NPAT: variants seen among roughly 807,000 people sequenced by gnomAD.
The protein encoded by NPAT is nuclear protein, coactivator of histone transcription, also known as protein NPAT.
A neutral mutation model predicts 130.7 loss-of-function variants in NPAT; 52 were observed. The observed-to-expected ratio is 0.40, with a 90% CI of 0.32 to 0.50. The LOEUF is 0.50. NPAT is among the 20% of genes least tolerant of loss of function. The pLI is 0.68. For synonymous variants in NPAT, 580 were observed against 584.8 expected (o/e 0.99, Z 0.12); for missense variants, 1,687 against 1,662.6 (o/e 1.01, Z -0.26).
At chr11:108,177,621 T>TAG (rs2078021454) in intron 10 of NPAT, among the ~76,000 whole-genome samples, 1 of 152,196 alleles carries the variant, frequency 6.6e-6, no homozygotes, top group Admixed American at 6.5e-5. Flanking sequence ...TCCTACTTCT[T>TAG]AGAGGTAAGA....
chr11:108,214,629 C>T (rs1383838914), intron 1 of NPAT, among the ~76,000 whole-genome samples: 2 of 150,420 alleles, frequency 1.3e-5, no homozygotes, highest in Admixed American at 6.6e-5. Context: ...AATATGATTC[C>T]AATTTTTTTT....
chr11:108,190,773 C>G (rs1389623370), intron 4 of NPAT, among the ~76,000 whole-genome samples: 1 of 152,168 alleles, frequency 6.6e-6, no homozygotes. Context: ...CTTGACATTA[C>G]GTTAAGAATG....
intron 1 of NPAT, among the ~76,000 whole-genome samples, chr11:108,201,899 A>T (rs2078278375): frequency 6.6e-6 from 1 of 152,166 alleles, no homozygotes; most frequent in South Asian, 2.1e-4. Flanking sequence ...GTCAGAGAGG[A>T]CCTTGAAGAA....
Position 108,161,826 on chromosome 11 carries a change from T to A in NPAT, c.3260A>T (p.Asn1087Ile), listed in dbSNP as rs1488058607. ...QGPNHKMVSQNKERNAVSFPN... is the reference protein window; with the variant it reads ...QGPNHKMVSQIKERNAVSFPN... ...AAAAGAGACTGCATTCCTTTCTTTG[T>A]TTTGGGACACCATCTTATGGTTTGG... is the stretch of plus-strand genomic sequence containing the variant. Residue 1087 changes from asparagine (N) to isoleucine (I), a missense_variant, in exon 17 of 18, where the codon AAC becomes ATC. Around this residue, in one of 3 missense-constraint regions of NPAT, gnomAD observed 1,379 missense variants for 1,346.6 expected, o/e 1.02. Transcript: ENST00000278612. The A allele has an allele frequency of 1.2e-6, 2 of 1,614,030 alleles. No individual in the cohort carries two copies. The highest frequency in any genetic ancestry group is 1.7e-6 in the Non-Finnish European group (2 of 1,180,050).
intron 6 of NPAT, 34 bp downstream of exon 6, chr11:108,189,069 TAAC>T: frequency 3.3e-6 from 5 of 1,522,008 alleles, no homozygotes; most frequent in African/African-American, 1.4e-5. Flanking sequence ...ACAATTTGAT[TAAC>T]AACAAAATTT....
intron 2 of NPAT, among the ~76,000 whole-genome samples, chr11:108,195,636 T>G (rs1286089867): frequency 2.9e-5 from 1 of 34,750 alleles, no homozygotes; most frequent in Non-Finnish European, 8.1e-5. Flanking sequence ...TCACCCAGCC[T>G]TTTTTTTTTG....
chr11:108,172,679 G>A lies in NPAT; in HGVS notation c.2305C>T (p.Pro769Ser). ...GTAGGAGAAGACAAGATTATAGTTG[G>A]CAGGTTTTCTCCATTAATACTAGAA... ...AVSSINGENLPTIILSSPTKS... is the reference protein window; with the variant it reads ...AVSSINGENLSTIILSSPTKS... The change falls in exon 13 of 18, where the codon CCA becomes TCA. Residue 769 changes from proline (P) to serine (S), a missense_variant. This residue lies in a region of NPAT where 1,379 missense variants were observed against 1,346.6 expected (regional missense o/e 1.02). Coordinates refer to ENST00000278612, the MANE Select transcript of NPAT (RefSeq NM_002519.3). 1.2e-6 allele frequency: 2 copies of A among 1,613,832 alleles called. No homozygotes were observed. The highest frequency in any genetic ancestry group is 1.7e-6 in the Non-Finnish European group (2 of 1,179,948).
At chr11:108,222,030 TAG>T (rs2078513902) in intron 1 of NPAT, among the ~76,000 whole-genome samples, 1 of 151,996 alleles carries the variant, frequency 6.6e-6, no homozygotes, top group Non-Finnish European at 1.5e-5. Context: ...CCCAAATTCG[TAG>T]TTATAAGGGC....
In NPAT at chr11:108,185,297, G is replaced by C. The variant is rs774084436; in HGVS notation, c.841C>G (p.Pro281Ala). The part of the protein sequence containing the change: ...LTSDNNIAQV[P>A]KQTDNNPTEP... ...GTAGGGTTGTTATCTGTTTGCTTAGGTACTTGGGCAATATTGTTATCACTG... is the reference window on the plus strand; with the variant it reads ...GTAGGGTTGTTATCTGTTTGCTTAGCTACTTGGGCAATATTGTTATCACTG... The change falls in exon 10 of 18, where the codon CCT becomes GCT. Residue 281 changes from proline (P) to alanine (A), a missense_variant. Physicochemically the swap from Pro to Ala is conservative, Grantham distance 27 (BLOSUM62 -1). Transcript: ENST00000278612. 1 of 1,611,472 alleles carries C rather than the reference G, an allele frequency of 6.2e-7. No homozygotes were observed. The highest frequency in any genetic ancestry group is 8.5e-7 in the Non-Finnish European group (1 of 1,178,270).
At chr11:108,181,862 C>T (rs1342727220) in intron 10 of NPAT, among the ~76,000 whole-genome samples, 1 of 152,116 alleles carries the variant, frequency 6.6e-6, no homozygotes, top group Non-Finnish European at 1.5e-5. Flanking sequence ...CTTAGAAAGA[C>T]GGTATCTTTT....
rs1413920235 is a variant in NPAT, at chr11:108,161,808, A to G, written c.3278T>C (p.Val1093Ala). ...MVSQNKERNA[V>A]SFPNLDSPNV... ...GGGTGAGTCAAGATTAGGAAAAGAG[A>G]CTGCATTCCTTTCTTTGTTTTGGGA... Residue 1093 changes from valine (V) to alanine (A), a missense_variant, in exon 17 of 18, where the codon GTC (valine) becomes GCC (alanine). Transcript: ENST00000278612. The G allele has an allele frequency of 6.2e-7, 1 of 1,613,920 alleles. No homozygotes were observed.
chr11:108,160,321 CT>C (rs1323053972), intron 17 of NPAT, among the ~76,000 whole-genome samples: 1 of 151,774 alleles, frequency 6.6e-6, no homozygotes, highest in Non-Finnish European at 1.5e-5. Context: ...GAAACCCTCT[CT>C]CAAAAAAATG....
intron 10 of NPAT, among the ~76,000 whole-genome samples, chr11:108,178,906 A>G (rs1404988180): frequency 1.3e-5 from 2 of 152,196 alleles, no homozygotes; most frequent in Admixed American, 6.6e-5. Context: ...AGAGAAAAGC[A>G]AAATAGCCAA....
chr11:108,195,634 C>G (rs1591407126), intron 2 of NPAT, among the ~76,000 whole-genome samples: 3 of 106,312 alleles, frequency 2.8e-5, no homozygotes, highest in African/African-American at 8.7e-5. Flanking sequence ...TTTCACCCAG[C>G]CTTTTTTTTT....
intron 15 of NPAT, among the ~76,000 whole-genome samples, chr11:108,169,392 A>G (rs930763048): frequency 6.6e-6 from 1 of 152,202 alleles, no homozygotes; most frequent in Non-Finnish European, 1.5e-5. Context: ...TCATATACAC[A>G]CTAAACTACA....
At chr11:108,162,246 G>T in intron 15 of NPAT, 66 bp from the exon 16 acceptor site, 1 of 1,416,974 alleles carries the variant, frequency 7.1e-7, no homozygotes, top group Non-Finnish European at 9.9e-7. Context: ...TAGAACAGAT[G>T]ACAATTATCA....
In NPAT at chr11:108,158,628, T is replaced by G. The variant is rs2077817068; in HGVS notation, c.*314A>C. Reference sequence around the variant, plus strand: ...GTCAAAAAACACAGTGTAAGAACATTAGGTTGATTTAACCTCTATTTCAAC... The same window carrying G: ...GTCAAAAAACACAGTGTAAGAACATGAGGTTGATTTAACCTCTATTTCAAC... On this transcript the variant is annotated 3_prime_UTR_variant, in exon 18 of 18. Transcript: ENST00000278612. The G allele has an allele frequency of 8.2e-6, 2 of 245,136 alleles. No individual in the cohort carries two copies. The highest frequency in any genetic ancestry group is 4.6e-5 in the African/African-American group (2 of 43,194). 15.2% of individuals were successfully genotyped at this position (245,136 alleles called of 1,614,324 possible).
At chr11:108,195,576 A>G (rs1413784364) in intron 2 of NPAT, among the ~76,000 whole-genome samples, 1 of 152,174 alleles carries the variant, frequency 6.6e-6, no homozygotes, top group African/African-American at 2.4e-5. Flanking sequence ...AATTCTATAC[A>G]TATGTTCTGG....
chr11:108,182,947 T>C (rs1249703489), intron 10 of NPAT, among the ~76,000 whole-genome samples: 1 of 152,176 alleles, frequency 6.6e-6, no homozygotes, highest in East Asian at 1.9e-4. Flanking sequence ...AAGCAAAAAG[T>C]TGGAGAACAC....
Sources: gnomAD v4.1 joint callset for allele counts (sites outside exome capture counted in the v4.1 genomes callset) on GRCh38, gnomAD v4.1.1 for gene constraint, gnomAD v4.1.1 regional missense constraint, MANE v1.5 for transcripts, NCBI Gene and HGNC (gene_info 2026-07-23, HGNC 2026-07-21) for gene names.